Variants in SIL1 observed in about 807,000 individuals in gnomAD.
SIL1 encodes nucleotide exchange factor SIL1.
SIL1 carries 40 observed loss-of-function variants against 49.1 expected under a neutral mutation model. The observed-to-expected ratio is 0.81, with a 90% CI of 0.63 to 1.06. SIL1 has a LOEUF of 1.06. SIL1 is among the 50% of genes least tolerant of loss of function. SIL1 has a pLI of 0.00. For missense variants in SIL1, 500 were observed against 572.6 expected (o/e 0.87, Z 1.29); for synonymous variants, 253 against 250.8 (o/e 1.01, Z -0.08).
chr5:139,031,868 G>T (rs896607852), intron 5 of SIL1, among the ~76,000 whole-genome samples: 1 of 152,090 alleles, frequency 6.6e-6, no homozygotes, highest in African/African-American at 2.4e-5. Flanking sequence ...TTCATTTTTA[G>T]GGGAGCAACT....
intron 1 of SIL1, among the ~76,000 whole-genome samples, chr5:139,163,976 G>A (rs1375782042): frequency 6.6e-6 from 1 of 152,142 alleles, no homozygotes; most frequent in African/African-American, 2.4e-5. Context: ...AACATTAGCT[G>A]GGTATGGTGG....
intron 3 of SIL1, among the ~76,000 whole-genome samples, chr5:139,063,423 T>C (rs1477591096): frequency 6.6e-6 from 1 of 152,222 alleles, no homozygotes; most frequent in African/African-American, 2.4e-5. Flanking sequence ...GTTTCCTAGC[T>C]AGTTGATGCC....
At chr5:139,183,693 G>A (rs1752031156) in intron 1 of SIL1, among the ~76,000 whole-genome samples, 2 of 152,232 alleles carry the variant, frequency 1.3e-5, no homozygotes, top group Non-Finnish European at 2.9e-5. Flanking sequence ...GTGCACAACA[G>A]CTGCTGGGAA....
At chr5:138,996,372 ATTT>A (rs977223236) in intron 7 of SIL1, among the ~76,000 whole-genome samples, 1 of 150,430 alleles carries the variant, frequency 6.6e-6, no homozygotes, top group Non-Finnish European at 1.5e-5. Context: ...TTTTAATCAG[ATTT>A]TTTTTTGCTA....
At chr5:138,989,256 T>TTATATATCCCAGCCAGGCATGGTGGCTCA in intron 7 of SIL1, among the ~76,000 whole-genome samples, 1 of 152,162 alleles carries the variant, frequency 6.6e-6, no homozygotes, top group African/African-American at 2.4e-5. Context: ...AACAAGAATC[T>TTATATATCCCAGCCAGGCATGGTGGCTCA]TATATATCCC....
Position 138,957,920 on chromosome 5 carries a change from C to CTT in SIL1, c.768-6038_768-6037dup, listed in dbSNP as rs528121887. ...CACTCTTTCCTCTTTTTAAGAAACA[C>CTT]TTTTTTTTTTTTTTTTGTAGATGGG... On this transcript the variant is annotated intron_variant, in intron 7 of 9. Coordinates refer to ENST00000394817, the MANE Select transcript of SIL1 (RefSeq NM_022464.5). Among the ~76,000 whole-genome samples, 584 of 141,188 alleles carry CTT rather than the reference C, an allele frequency of 4.1e-3. 4 individuals carry two copies. The highest frequency in any genetic ancestry group is 0.015 in the African/African-American group (562 of 38,528). 92.6% of individuals were successfully genotyped at this position (141,188 alleles called of 152,430 possible).
chr5:139,114,592 T>C (rs985085453), intron 3 of SIL1, among the ~76,000 whole-genome samples: 6 of 151,858 alleles, frequency 4.0e-5, no homozygotes, highest in Non-Finnish European at 8.8e-5. Context: ...GCTGGGAAGG[T>C]GGAAGTTATA....
chr5:139,113,168 G>A (rs1299366684), intron 3 of SIL1, among the ~76,000 whole-genome samples: 2 of 151,938 alleles, frequency 1.3e-5, no homozygotes, highest in African/African-American at 2.4e-5. Flanking sequence ...GCGGAAGGCC[G>A]CAGGGTCCTC....
rs974973266 is a variant in SIL1, at chr5:139,055,702, G to A, written c.245-4656C>T. Among the ~76,000 whole-genome samples, 328 of 135,056 alleles carry A rather than the reference G, an allele frequency of 2.4e-3. 2 individuals are homozygous for A. Among genetic ancestry groups the A allele is most frequent in the African/African-American group, 8.4e-3 (304 of 36,398 alleles). 88.6% of individuals were successfully genotyped at this position (135,056 alleles called of 152,430 possible). On this transcript the variant is annotated intron_variant, in intron 3 of 9. Transcript: ENST00000394817. ...GGTCTCCCTCTCCCTCTCTTTCCAC[G>A]GTCTCCCTCTGATGCCTAGCCGAAG...
rs374817485 is a variant in SIL1, at chr5:139,132,782, G to A, written c.-10-4929C>T. Among the ~76,000 whole-genome samples the A allele has an allele frequency of 2.4e-4, 36 of 152,324 alleles. No individual in the cohort carries two copies. In the East Asian group the frequency reaches 4.1e-3, roughly 17 times the overall value. On this transcript the variant is annotated intron_variant, in intron 1 of 9. Coordinates refer to ENST00000394817, the MANE Select transcript of SIL1 (RefSeq NM_022464.5). ...CCTTACTCAAGAAGTGGCAGGCATA[G>A]TTTGCCCTGGGCTTTATGCTAAAGC...
At position 138,996,163 on chromosome 5, in the gene SIL1, C is replaced by A. The variant is rs115832357; in HGVS notation, c.767+25008G>T. On this transcript the variant is annotated intron_variant, in intron 7 of 9. Coordinates refer to ENST00000394817, the MANE Select transcript of SIL1 (RefSeq NM_022464.5). ...TTTGCATTCCTACCAACAATGTACC[C>A]CTTTCACCACATCCTCACCAGCATC... 5.7e-3 allele frequency among the ~76,000 whole-genome samples: 870 copies of A among 152,222 alleles called. 5 individuals carry two copies. Among genetic ancestry groups the A allele is most frequent in the African/African-American group, 0.02 (832 of 41,546 alleles).
intron 3 of SIL1, among the ~76,000 whole-genome samples, chr5:139,058,659 C>G (rs1158534725): frequency 6.6e-6 from 1 of 152,152 alleles, no homozygotes. Flanking sequence ...CCTTAGCAAT[C>G]AGAAGTGCCT....
At chr5:139,082,276 AC>A (rs1167696307) in intron 3 of SIL1, among the ~76,000 whole-genome samples, 1 of 152,202 alleles carries the variant, frequency 6.6e-6, no homozygotes, top group Non-Finnish European at 1.5e-5. Flanking sequence ...TGAGTCTCTA[AC>A]CAGGTTTGTA....
intron 3 of SIL1, among the ~76,000 whole-genome samples, chr5:139,104,459 G>A (rs907133224): frequency 2.0e-5 from 3 of 152,178 alleles, no homozygotes; most frequent in African/African-American, 7.2e-5. Context: ...CTTGTCCAGA[G>A]ATGGGTAAAA....
chr5:138,955,518 G>C (rs895325095), intron 7 of SIL1, among the ~76,000 whole-genome samples: 5 of 152,210 alleles, frequency 3.3e-5, no homozygotes. Context: ...CCAAGAGTCA[G>C]AGGTCATATT....
At chr5:139,178,734 CTCTT>C (rs1400223625) in intron 1 of SIL1, among the ~76,000 whole-genome samples, 5 of 152,086 alleles carry the variant, frequency 3.3e-5, no homozygotes, top group African/African-American at 1.2e-4. Flanking sequence ...ATGTTCTTAA[CTCTT>C]TCTTTCAATA....
intron 7 of SIL1, among the ~76,000 whole-genome samples, chr5:138,982,305 G>A (rs554237354): frequency 9.2e-5 from 14 of 152,260 alleles, no homozygotes; most frequent in East Asian, 7.7e-4. Flanking sequence ...CCAGTTCACC[G>A]GCCCCATTTG....
chr5:139,097,795 C>T (rs1199107874), intron 3 of SIL1, among the ~76,000 whole-genome samples: 2 of 152,072 alleles, frequency 1.3e-5, no homozygotes, highest in Non-Finnish European at 1.5e-5. Context: ...AGTAGCATTT[C>T]TATATGCCAA....
chr5:139,015,756 C>T (rs576215052), intron 7 of SIL1, among the ~76,000 whole-genome samples: 1 of 152,292 alleles, frequency 6.6e-6, no homozygotes, highest in East Asian at 1.9e-4. Context: ...CTCTTTATGT[C>T]TCATTGGTCA....
Sources: allele counts gnomAD v4.1 joint callset (sites outside exome capture counted in the v4.1 genomes callset), GRCh38; gene constraint gnomAD v4.1.1; transcripts MANE v1.5; gene names NCBI Gene and HGNC (gene_info 2026-07-23, HGNC 2026-07-21).